Variants in CHRM3 observed in about 807,000 individuals in gnomAD.
The protein encoded by CHRM3 is cholinergic receptor muscarinic 3, also known as muscarinic acetylcholine receptor M3.
A neutral mutation model predicts 41.8 loss-of-function variants in CHRM3; 11 were observed. That is an observed-to-expected ratio of 0.26 (90% CI 0.17 to 0.44). CHRM3 has a LOEUF of 0.44. CHRM3 is among the 20% of genes least tolerant of loss of function. The pLI is 1.00. For missense variants in CHRM3, 571 were observed against 745.4 expected, an observed-to-expected ratio of 0.77 and a Z score of 2.72; for synonymous variants, 297 against 301.4, an observed-to-expected ratio of 0.99 and a Z score of 0.15.
At chr1:239,587,388 T>C (rs953210312) in intron 3 of CHRM3, among the ~76,000 whole-genome samples, 1 of 152,198 alleles carries the variant, frequency 6.6e-6, no homozygotes, top group Non-Finnish European at 1.5e-5. Context: ...ATGAAAAATA[T>C]GGTAGCAAGA....
intron 1 of CHRM3, among the ~76,000 whole-genome samples, chr1:239,434,043 T>C (rs1663040063): frequency 6.6e-6 from 1 of 152,182 alleles, no homozygotes; most frequent in Admixed American, 6.5e-5. Flanking sequence ...CTTCAGGCTG[T>C]TGTCCATAGT....
At chr1:239,526,875 A>AT (rs1187171841) in intron 2 of CHRM3, among the ~76,000 whole-genome samples, 2 of 152,128 alleles carry the variant, frequency 1.3e-5, no homozygotes, top group Admixed American at 1.3e-4. Flanking sequence ...TAATCTGAAC[A>AT]TTTGGGACTA....
chr1:239,809,731 T>G (rs1670966156), intron 5 of CHRM3, among the ~76,000 whole-genome samples: 2 of 151,272 alleles, frequency 1.3e-5, no homozygotes, highest in African/African-American at 4.9e-5. Flanking sequence ...AAGCCTGGAC[T>G]CAAGCTATCC....
chr1:239,442,214 C>A (rs572708906), intron 1 of CHRM3, among the ~76,000 whole-genome samples: 1 of 151,550 alleles, frequency 6.6e-6, no homozygotes, highest in East Asian at 2.0e-4. Flanking sequence ...TCAAGCAATT[C>A]TTGTGCCTCA....
chr1:239,404,452 AAG>A (rs1349951922), intron 1 of CHRM3, among the ~76,000 whole-genome samples: 6 of 138,198 alleles, frequency 4.3e-5, no homozygotes, highest in African/African-American at 1.6e-4. Flanking sequence ...GAAAGAAAGA[AAG>A]AAAGAAAGAA....
chr1:239,763,000 T>C (rs558889047), intron 5 of CHRM3, among the ~76,000 whole-genome samples: 9 of 152,336 alleles, frequency 5.9e-5, no homozygotes, highest in Non-Finnish European at 8.8e-5. Flanking sequence ...GTGGCATTTT[T>C]GAGGTCCATT....
intron 5 of CHRM3, among the ~76,000 whole-genome samples, chr1:239,799,125 A>C (rs1670010281): frequency 1.3e-5 from 2 of 152,182 alleles, no homozygotes; most frequent in African/African-American, 4.8e-5. Context: ...TACCAATGGA[A>C]GAGAGAATGT....
chr1:239,800,063 T>C (rs1009761761), intron 5 of CHRM3, among the ~76,000 whole-genome samples: 3 of 152,178 alleles, frequency 2.0e-5, no homozygotes, highest in Admixed American at 2.0e-4. Flanking sequence ...AATGATAGTG[T>C]GTGAATGTAA....
chr1:239,793,803 ATTTT>A (rs67460907), intron 5 of CHRM3, among the ~76,000 whole-genome samples: 16 of 69,490 alleles, frequency 2.3e-4, no homozygotes, highest in African/African-American at 8.7e-4. Context: ...TGAAATGTGT[ATTTT>A]TTTTTTTTTT....
intron 2 of CHRM3, among the ~76,000 whole-genome samples, chr1:239,542,511 C>T (rs1317144698): frequency 4.6e-5 from 7 of 152,122 alleles, no homozygotes; most frequent in South Asian, 2.1e-4. Flanking sequence ...GTAAATCTTG[C>T]GTACCTCCCA....
At chr1:239,479,190 C>CCACACACA (rs56202845) in intron 1 of CHRM3, among the ~76,000 whole-genome samples, 3,501 of 139,924 alleles carry the variant, frequency 0.025, 62 homozygotes, top group African/African-American at 0.045. Context: ...TTTCAAAAAA[C>CCACACACA]CACACACACA....
intron 5 of CHRM3, among the ~76,000 whole-genome samples, chr1:239,699,280 A>T (rs997361963): frequency 1.3e-5 from 2 of 152,000 alleles, no homozygotes; most frequent in African/African-American, 2.4e-5. Context: ...GTGTGATGGT[A>T]TTTGGAGAGG....
chr1:239,734,177 A>G (rs182542311), intron 5 of CHRM3, among the ~76,000 whole-genome samples: 1 of 152,184 alleles, frequency 6.6e-6, no homozygotes, highest in South Asian at 2.1e-4. Flanking sequence ...TTTAACAGTA[A>G]TTTACCACTT....
At chr1:239,657,831 C>A (rs1573163499) in intron 4 of CHRM3, among the ~76,000 whole-genome samples, 3 of 152,196 alleles carry the variant, frequency 2.0e-5, no homozygotes, top group Admixed American at 2.0e-4. Flanking sequence ...CCCTCACTTA[C>A]TTTGTGGGCT....
At chr1:239,596,959 G>T (rs2148665360) in intron 3 of CHRM3, among the ~76,000 whole-genome samples, 1 of 152,248 alleles carries the variant, frequency 6.6e-6, no homozygotes, top group South Asian at 2.1e-4. Context: ...GAGGAAAGCA[G>T]AAGTCTGAAA....
intron 3 of CHRM3, among the ~76,000 whole-genome samples, chr1:239,573,491 T>C (rs1336070085): frequency 2.6e-5 from 4 of 152,148 alleles, no homozygotes; most frequent in African/African-American, 9.7e-5. Context: ...GTTACTAAAG[T>C]CTTTTAATTT....
At chr1:239,646,797 G>C (rs1671779162) in intron 4 of CHRM3, among the ~76,000 whole-genome samples, 1 of 152,146 alleles carries the variant, frequency 6.6e-6, no homozygotes, top group African/African-American at 2.4e-5. Context: ...TACCCTAAAA[G>C]TAGCAGAATA....
intron 5 of CHRM3, among the ~76,000 whole-genome samples, chr1:239,749,926 T>C (rs1424597563): frequency 6.6e-6 from 1 of 152,232 alleles, no homozygotes; most frequent in Admixed American, 6.5e-5. Context: ...GTGTGAATAT[T>C]ATACAATAAT....
At position 239,702,927 on chromosome 1, in the gene CHRM3, T is replaced by C. The variant is rs529061228; in HGVS notation, c.-147+24639T>C. On this transcript the variant is annotated intron_variant, in intron 5 of 6. Coordinates refer to ENST00000676153, the MANE Select transcript of CHRM3 (RefSeq NM_001375978.1). ...AGCAACATCTATAATCTATAATAGA[T>C]ACCATGTGCAAATTGATAATATTTT... Among the ~76,000 whole-genome samples the C allele has an allele frequency of 3.9e-5, 6 of 152,336 alleles. No homozygotes were observed. In the East Asian group the frequency reaches 1.2e-3, roughly 29 times the overall value.
Sources: gnomAD v4.1 joint callset for allele counts (sites outside exome capture counted in the v4.1 genomes callset) on GRCh38, gnomAD v4.1.1 for gene constraint, MANE v1.5 for transcripts, NCBI Gene and HGNC (gene_info 2026-07-23, HGNC 2026-07-21) for gene names.